Variants in ZXDC observed in about 807,000 individuals in gnomAD.
ZXDC encodes ZXD family zinc finger C, also known as zinc finger protein ZXDC.
In ZXDC, 58 loss-of-function variants were observed where a neutral mutation model predicts 63.6. The observed-to-expected ratio is 0.91, with a 90% CI of 0.74 to 1.13. The LOEUF is 1.13. Among genes scored for constraint, ZXDC ranks in the 50% most tolerant of loss-of-function variants. The probability of loss-of-function intolerance (pLI) is 0.00; values close to 1 mark genes in which losing one functional copy is unlikely to be tolerated. For missense variants in ZXDC, 1,133 were observed against 1,148.9 expected (o/e 0.99, Z 0.20); for synonymous variants, 561 against 496.1 (o/e 1.13, Z -1.74).
intron 7 of ZXDC, among the ~76,000 whole-genome samples, chr3:126,444,612 T>C (rs1221499473): frequency 6.6e-6 from 1 of 152,240 alleles, no homozygotes; most frequent in Non-Finnish European, 1.5e-5. Flanking sequence ...TCTCCAGATT[T>C]CTTTTAAAAG....
intron 7 of ZXDC, among the ~76,000 whole-genome samples, chr3:126,443,660 G>A (rs922060279): frequency 6.6e-6 from 1 of 151,796 alleles, no homozygotes; most frequent in Non-Finnish European, 1.5e-5. Context: ...TATATCCTCC[G>A]TGAGCTTGTA....
At chr3:126,468,244 G>A (rs572595365) in intron 4 of ZXDC, among the ~76,000 whole-genome samples, 2 of 152,174 alleles carry the variant, frequency 1.3e-5, no homozygotes, top group East Asian at 3.9e-4. Flanking sequence ...CCCCGAGGCC[G>A]CAACGAGGCC....
At position 126,455,756 on chromosome 3, in the gene ZXDC, G is replaced by A. The variant is rs1419430351; in HGVS notation, c.2212+3897C>T. Among the ~76,000 whole-genome samples, 5 of 152,198 alleles carry A rather than the reference G, an allele frequency of 3.3e-5. No homozygotes were observed. In the East Asian group the frequency reaches 5.8e-4, roughly 18 times the overall value. On this transcript the variant is annotated intron_variant, in intron 7 of 9. Transcript: ENST00000389709. ...CTCACGCCTGTAATCCCAGCACTTTGGGAGGCCGAGGCGGGCGGATCACAA... is the reference window on the plus strand; with the variant it reads ...CTCACGCCTGTAATCCCAGCACTTTAGGAGGCCGAGGCGGGCGGATCACAA...
chr3:126,462,228 A>T lies in ZXDC; in HGVS notation c.1442-8T>A. On this transcript the variant is annotated splice_polypyrimidine_tract_variant and splice_region_variant and intron_variant, in intron 5 of 9. Coordinates refer to ENST00000389709, the MANE Select transcript of ZXDC (RefSeq NM_025112.5). Reference sequence around the variant, plus strand: ...CTAGCTGAGGTAAGAGATCTGAAAAAAAAAGGAATACACTCTGGTTACTTT... The same window carrying T: ...CTAGCTGAGGTAAGAGATCTGAAAATAAAAGGAATACACTCTGGTTACTTT... 6.3e-7 allele frequency: 1 copy of T among 1,577,464 alleles called. No individual in the cohort carries two copies. The highest frequency in any genetic ancestry group is 1.4e-5 in the African/African-American group (1 of 73,618).
intron 4 of ZXDC, 139 bp downstream of exon 4, chr3:126,470,756 G>T: frequency 1.7e-6 from 2 of 1,199,230 alleles, no homozygotes; most frequent in Middle Eastern, 2.9e-4. Flanking sequence ...ACTCAATGAG[G>T]TAAGTAAACA....
chr3:126,462,558 C>A (rs1418334464), intron 5 of ZXDC, among the ~76,000 whole-genome samples: 1 of 152,186 alleles, frequency 6.6e-6, no homozygotes, highest in African/African-American at 2.4e-5. Context: ...CAGCAAGAAG[C>A]AAAGTAAGAC....
At position 126,441,960 on chromosome 3, in the gene ZXDC, T is replaced by C. The variant is rs765232334; in HGVS notation, c.2213-14A>G. ...ACTGTGAGGCTCCTAAAATGAAATA[T>C]AAAAACGAGCACACCCAATCTACAA... On this transcript the variant is annotated splice_polypyrimidine_tract_variant and intron_variant, in intron 7 of 9. Transcript: ENST00000389709. The C allele has an allele frequency of 5.1e-6, 8 of 1,579,808 alleles. No homozygotes were observed. Among genetic ancestry groups the C allele is most frequent in the Non-Finnish European group, 6.0e-6 (7 of 1,161,438 alleles).
chr3:126,448,366 C>G (rs980537888), intron 7 of ZXDC, among the ~76,000 whole-genome samples: 1 of 152,208 alleles, frequency 6.6e-6, no homozygotes, highest in Non-Finnish European at 1.5e-5. Context: ...GCGCTCAGTA[C>G]AGCCGTGCAT....
intron 1 of ZXDC, among the ~76,000 whole-genome samples, chr3:126,473,891 G>A (rs1436717142): frequency 1.3e-5 from 2 of 152,048 alleles, no homozygotes; most frequent in Non-Finnish European, 2.9e-5. Context: ...CCACCCAGCC[G>A]ACTCCATTCT....
chr3:126,461,915 C>T lies in ZXDC; in HGVS notation c.1747G>A (p.Val583Ile). 1 of 1,614,176 alleles carries T rather than the reference C, an allele frequency of 6.2e-7. No individual in the cohort carries two copies. Among genetic ancestry groups the T allele is most frequent in the South Asian group, 1.1e-5 (1 of 91,070 alleles). ...AGAACCGTGGCTGCTGTCCCGAGAA[C>T]CAGAGGGCTGTCCAGGCTTGGGGGA... is the stretch of plus-strand genomic sequence containing the variant. The part of the protein sequence containing the change: ...DIPPSLDSPL[V>I]LGTAATVLQQ... The change falls in exon 6 of 10, where the codon GTT becomes ATT. Residue 583 changes from valine to isoleucine, a missense_variant. Val to Ile is a conservative substitution (Grantham distance 29). Transcript: ENST00000389709.
chr3:126,441,574 G>C (rs945247436), intron 8 of ZXDC, 191 bp downstream of exon 8: 140 of 1,335,474 alleles, frequency 1.0e-4, no homozygotes, highest in Non-Finnish European at 1.3e-4. Context: ...TGCAGGACAG[G>C]CTGGGAAAAA....
chr3:126,452,954 T>C, intron 7 of ZXDC: 1 of 928,424 alleles, frequency 1.1e-6, no homozygotes, highest in Non-Finnish European at 1.3e-6. Flanking sequence ...CCCAGGCTGG[T>C]CTTGAACTCC....
chr3:126,469,638 C>G (rs1934902356), intron 4 of ZXDC, among the ~76,000 whole-genome samples: 1 of 152,200 alleles, frequency 6.6e-6, no homozygotes, highest in African/African-American at 2.4e-5. Context: ...GCACTCAAGC[C>G]TGCCACTCCT....
At chr3:126,444,307 C>T (rs1933794026) in intron 7 of ZXDC, among the ~76,000 whole-genome samples, 1 of 152,150 alleles carries the variant, frequency 6.6e-6, no homozygotes, top group Non-Finnish European at 1.5e-5. Context: ...CCAAGGCGGG[C>T]AGATTACAAG....
At position 126,441,951 on chromosome 3, in the gene ZXDC, A is replaced by C; in HGVS notation, c.2213-5T>G. On this transcript the variant is annotated splice_polypyrimidine_tract_variant and splice_region_variant and intron_variant, in intron 7 of 9. Transcript: ENST00000389709. ...TCTGAGTAGACTGTGAGGCTCCTAA[A>C]ATGAAATATAAAAACGAGCACACCC... 6.3e-7 allele frequency: 1 copy of C among 1,585,352 alleles called. No homozygotes were observed. The highest frequency in any genetic ancestry group is 8.6e-7 in the Non-Finnish European group (1 of 1,164,280).
rs78291765 is a variant in ZXDC, at chr3:126,467,194, G to A, written c.1271-869C>T. On this transcript the variant is annotated intron_variant, in intron 4 of 9. Coordinates refer to ENST00000389709, the MANE Select transcript of ZXDC (RefSeq NM_025112.5). ...CTCGAGGTGACTGGGCCACCCTGCA[G>A]CAGAGCAGATGGTGCTCCTGCCGCA... Among the ~76,000 whole-genome samples, 1,070 of 152,252 alleles carry A rather than the reference G, an allele frequency of 7.0e-3. 52 individuals are homozygous for A. The East Asian group carries it at 0.12, about 17-fold the overall frequency.
At chr3:126,469,607 T>C (rs1431705765) in intron 4 of ZXDC, among the ~76,000 whole-genome samples, 1 of 152,122 alleles carries the variant, frequency 6.6e-6, no homozygotes, top group Non-Finnish European at 1.5e-5. Context: ...TCAAACATGA[T>C]GACATCATAC....
At position 126,474,062 on chromosome 3, in the gene ZXDC, CTTT is replaced by C. The variant is rs796761643; in HGVS notation, c.907+894_907+896del. Among the ~76,000 whole-genome samples the C allele has an allele frequency of 3.0e-3, 395 of 129,874 alleles. 1 individual carries two copies. The highest frequency in any genetic ancestry group is 0.011 in the African/African-American group (367 of 32,594). The allele number at this position is 129,874 out of a possible 152,430, so 85.2% of individuals were successfully genotyped here. On this transcript the variant is annotated intron_variant, in intron 1 of 9. Coordinates refer to ENST00000389709, the MANE Select transcript of ZXDC (RefSeq NM_025112.5). Reference sequence around the variant, plus strand: ...CACAGGAGAAAGAACAGGCAGTGGACTTTTTTTTTTTTTTTTTTTTGAGACGGT... The same window carrying C: ...CACAGGAGAAAGAACAGGCAGTGGACTTTTTTTTTTTTTTTTTGAGACGGT...
chr3:126,440,962 G>A (rs1040821765), intron 8 of ZXDC: 2 of 985,544 alleles, frequency 2.0e-6, no homozygotes, highest in African/African-American at 1.7e-5. Flanking sequence ...GCACTTCCGT[G>A]GGGCCTGCAA....
Sources: gnomAD v4.1 joint callset for allele counts (sites outside exome capture counted in the v4.1 genomes callset) on GRCh38, gnomAD v4.1.1 for gene constraint, MANE v1.5 for transcripts, NCBI Gene and HGNC (gene_info 2026-07-23, HGNC 2026-07-21) for gene names.